The following GRM5 variants were observed in gnomAD, a reference collection of about 807,000 sequenced individuals.
The protein encoded by GRM5 is metabotropic glutamate receptor 5.
GRM5 carries 19 observed loss-of-function variants against 83.1 expected under a neutral mutation model. The observed-to-expected ratio is 0.23, with a 90% confidence interval of 0.16 to 0.34. The LOEUF is 0.34. Ranked by LOEUF, GRM5 falls within the 10% of genes least tolerant of loss-of-function variation. GRM5 has a pLI of 1.00. For synonymous variants in GRM5, 675 were observed against 633.6 expected (o/e 1.07, Z -0.98); for missense variants, 1,160 against 1,588.3 (o/e 0.73, Z 4.58).
chr11:88,823,376 G>A (rs1943835353), intron 3 of GRM5, among the ~76,000 whole-genome samples: 1 of 151,902 alleles, frequency 6.6e-6, no homozygotes, highest in Non-Finnish European at 1.5e-5. Flanking sequence ...ATTATTATTA[G>A]TTCTTTAACT....
Position 88,509,344 on chromosome 11 carries a change from C to T in GRM5, c.2887G>A (p.Ala963Thr), listed in dbSNP as rs199674837. The change falls in exon 10 of 10, where the codon GCT becomes ACT. Residue 963 changes from alanine to threonine, a missense_variant. Physicochemically the swap from Ala to Thr is moderately conservative, Grantham distance 58. Transcript: ENST00000305447. ...GCGCTCCCGCCTGCGCCAGCGCCAG[C>T]GCCCAGGCCACGGCTCTCCGTGCTC... ...PKSTESRGLG[A>T]GAGAGGSAGG... The T allele has an allele frequency of 8.7e-6, 14 of 1,604,110 alleles. No homozygotes were observed. The highest frequency in any genetic ancestry group is 2.3e-5 in the East Asian group (1 of 43,908).
At chr11:88,749,164 A>T (rs921187827) in intron 3 of GRM5, among the ~76,000 whole-genome samples, 1 of 152,190 alleles carries the variant, frequency 6.6e-6, no homozygotes, top group Admixed American at 6.5e-5. Flanking sequence ...CTAAAGGAGC[A>T]TGTTGTAACC....
At chr11:88,845,423 CTTTTTTTTT>C (rs71046265) in intron 3 of GRM5, among the ~76,000 whole-genome samples, 15 of 92,442 alleles carry the variant, frequency 1.6e-4, no homozygotes, top group East Asian at 7.0e-4. Flanking sequence ...ATAAACATAA[CTTTTTTTTT>C]TTTTTTTTTT....
At chr11:88,692,475 C>A (rs1055788840) in intron 3 of GRM5, among the ~76,000 whole-genome samples, 4 of 152,146 alleles carry the variant, frequency 2.6e-5, no homozygotes, top group Admixed American at 2.6e-4. Context: ...TCCAACCCCC[C>A]CACAGGCCCT....
intron 3 of GRM5, among the ~76,000 whole-genome samples, chr11:88,685,637 G>C (rs1449669104): frequency 1.3e-5 from 2 of 152,112 alleles, no homozygotes; most frequent in Admixed American, 6.5e-5. Context: ...TCCTGGGCCT[G>C]GCCCAGGGTC....
chr11:88,777,677 T>C (rs1309902224), intron 3 of GRM5, among the ~76,000 whole-genome samples: 4 of 152,224 alleles, frequency 2.6e-5, no homozygotes, highest in Non-Finnish European at 2.9e-5. Flanking sequence ...TAGTTTTCCT[T>C]CTAACAGTCA....
At chr11:88,979,678 T>C (rs2135020769) in intron 2 of GRM5, among the ~76,000 whole-genome samples, 1 of 152,332 alleles carries the variant, frequency 6.6e-6, no homozygotes, top group South Asian at 2.1e-4. Flanking sequence ...ATTCTGGTTC[T>C]GACTTTCTCT....
At chr11:88,941,334 A>G (rs952978161) in intron 2 of GRM5, among the ~76,000 whole-genome samples, 173 of 151,536 alleles carry the variant, frequency 1.1e-3, no homozygotes, top group African/African-American at 4.1e-3. Flanking sequence ...ATGGAACATA[A>G]CACATTTGAA....
At chr11:88,885,964 C>G (rs892078582) in intron 2 of GRM5, among the ~76,000 whole-genome samples, 1 of 152,064 alleles carries the variant, frequency 6.6e-6, no homozygotes, top group Non-Finnish European at 1.5e-5. Context: ...GAGATGGTGC[C>G]GATCAACTGG....
chr11:88,928,902 GTA>G (rs149267365), intron 2 of GRM5, among the ~76,000 whole-genome samples: 2 of 60,260 alleles, frequency 3.3e-5, no homozygotes, highest in Non-Finnish European at 4.9e-5. Context: ...ATGTGTATGT[GTA>G]TATACACACA....
intron 4 of GRM5, among the ~76,000 whole-genome samples, chr11:88,640,967 C>T (rs1055403443): frequency 2.6e-5 from 4 of 151,988 alleles, no homozygotes; most frequent in African/African-American, 9.7e-5. Flanking sequence ...TTCTTCTTGG[C>T]TTCTGTGTTG....
At chr11:88,551,819 C>T (rs1942516470) in intron 8 of GRM5, among the ~76,000 whole-genome samples, 1 of 152,108 alleles carries the variant, frequency 6.6e-6, no homozygotes, top group Admixed American at 6.5e-5. Flanking sequence ...CATCACCAAT[C>T]AATGGAAGAT....
intron 8 of GRM5, among the ~76,000 whole-genome samples, chr11:88,547,261 G>T (rs1245477115): frequency 4.6e-5 from 7 of 152,092 alleles, no homozygotes; most frequent in Non-Finnish European, 1.5e-5. Flanking sequence ...TAAGGTTGAG[G>T]TGATCCCAGG....
intron 8 of GRM5, among the ~76,000 whole-genome samples, chr11:88,542,690 A>C (rs531078604): frequency 6.6e-6 from 1 of 152,308 alleles, no homozygotes; most frequent in East Asian, 1.9e-4. Flanking sequence ...ACAGCCTCTC[A>C]ACTCAAGGAG....
chr11:88,928,905 T>TACACAC (rs1433637376), intron 2 of GRM5, among the ~76,000 whole-genome samples: 2 of 71,596 alleles, frequency 2.8e-5, no homozygotes, highest in East Asian at 4.4e-4. Context: ...TGTATGTGTA[T>TACACAC]ATACACACAC....
At chr11:89,002,063 T>A (rs1228772357) in intron 2 of GRM5, among the ~76,000 whole-genome samples, 1 of 152,154 alleles carries the variant, frequency 6.6e-6, no homozygotes, top group Non-Finnish European at 1.5e-5. Context: ...TTAAAAGGCA[T>A]GTGGAAGGAC....
chr11:88,645,087 C>T (rs1433355942), intron 4 of GRM5, among the ~76,000 whole-genome samples: 3 of 152,074 alleles, frequency 2.0e-5, no homozygotes, highest in Non-Finnish European at 2.9e-5. Context: ...AATGACATTG[C>T]TACAACCCAG....
Position 88,844,354 on chromosome 11 carries a change from T to G in GRM5, c.911+5552A>C, listed in dbSNP as rs374421421. On this transcript the variant is annotated intron_variant, in intron 3 of 9. Coordinates refer to ENST00000305447, the MANE Select transcript of GRM5 (RefSeq NM_001143831.3). ...ATATTTTAAGTCTACTTTTCAGAAT[T>G]ACTACACACACACACACACACACAC... Among the ~76,000 whole-genome samples, 950 of 144,844 alleles carry G rather than the reference T, an allele frequency of 6.6e-3. 10 individuals carry two copies. Among genetic ancestry groups the G allele is most frequent in the African/African-American group, 0.025 (893 of 36,342 alleles).
chr11:89,060,283 TATAC>T (rs58233666), intron 1 of GRM5, among the ~76,000 whole-genome samples: 32,917 of 142,540 alleles, frequency 0.23, 4,149 homozygotes, highest in Non-Finnish European at 0.32. Flanking sequence ...TATATATATA[TATAC>T]ACACACACAC....
Sources: gnomAD v4.1 joint callset for allele counts (sites outside exome capture counted in the v4.1 genomes callset) on GRCh38, gnomAD v4.1.1 for gene constraint, MANE v1.5 for transcripts, NCBI Gene and HGNC (gene_info 2026-07-23, HGNC 2026-07-21) for gene names.